Variants in SLC39A4 observed in about 807,000 individuals in gnomAD.
SLC39A4 encodes the protein solute carrier family 39 member 4.
SLC39A4 carries 49 observed loss-of-function variants against 56.6 expected under a neutral mutation model. The observed-to-expected ratio is 0.87, with a 90% CI of 0.69 to 1.10. SLC39A4 has a LOEUF of 1.10. Among genes scored for constraint, SLC39A4 ranks in the 50% least tolerant of loss-of-function variants. The pLI is 0.00. For synonymous variants in SLC39A4, 540 were observed against 420.4 expected, an observed-to-expected ratio of 1.28 and a Z score of -3.48; for missense variants, 993 against 864.2, an observed-to-expected ratio of 1.15 and a Z score of -1.87.
intron 6 of SLC39A4, 26 bp from the exon 7 acceptor site, chr8:144,414,121 G>C (rs561791700): frequency 9.1e-5 from 141 of 1,554,868 alleles, no homozygotes; most frequent in East Asian, 3.8e-4. Context: ...GCTGGGCTGG[G>C]GGGGAGGTCC....
In SLC39A4 at chr8:144,415,963, G is replaced by A. The variant is rs148918238; in HGVS notation, c.321C>T (p.Pro107=). 498 of 1,595,344 alleles carry A rather than the reference G, an allele frequency of 3.1e-4. 2 individuals are homozygous for A. The East Asian group carries it at 7.8e-3, about 25-fold the overall frequency. ...SAAAVLYLSN[P]EGTCEDARAG... ...CCCGAGCGTCCTCACAGGTGCCCTC[G>A]GGGTTGCTGAGGTACAGGACGGCGG... Residue 107 remains proline, a synonymous_variant, in exon 2 of 12, where the codon CCC becomes CCT. Transcript: ENST00000301305.
chr8:144,414,189 C>A, intron 6 of SLC39A4, 73 bp downstream of exon 6: 1 of 1,579,386 alleles, frequency 6.3e-7, no homozygotes, highest in South Asian at 1.2e-5. Context: ...TGGGTAAGGT[C>A]CCTGGGAGGG....
chr8:144,413,662 A>G (rs1822007789), intron 8 of SLC39A4, 88 bp downstream of exon 8: 1 of 1,542,166 alleles, frequency 6.5e-7, no homozygotes, highest in Non-Finnish European at 8.7e-7. Context: ...GCGGAGCCGC[A>G]GGCCTGGGGT....
rs781958924 is a variant in SLC39A4, at chr8:144,413,243, C to T, written c.1621G>A (p.Glu541Lys). 3.2e-6 allele frequency: 5 copies of T among 1,582,372 alleles called. No individual in the cohort carries two copies. Among genetic ancestry groups the T allele is most frequent in the South Asian group, 1.1e-5 (1 of 87,810 alleles). ...AGGCCCCGCCTGCGCTCACCCAGCTCGTGTGGCAACTCGTGGCAGAACACG... is the reference window on the plus strand; with the variant it reads ...AGGCCCCGCCTGCGCTCACCCAGCTTGTGTGGCAACTCGTGGCAGAACACG... ...LAVFCHELPH[E>K]LGDFAALLHA... Residue 541 changes from glutamate to lysine, a missense_variant, in exon 10 of 12, where the codon GAG becomes AAG. Coordinates refer to ENST00000301305, the MANE Select transcript of SLC39A4 (RefSeq NM_130849.4).
chr8:144,412,910 ACGGACAGCCC>A lies in SLC39A4; in HGVS notation c.1654_1663del (p.Gly552CysfsTer7). The A allele has an allele frequency of 6.2e-7, 1 of 1,608,480 alleles. No homozygotes were observed. Among genetic ancestry groups the A allele is most frequent in the Non-Finnish European group, 8.5e-7 (1 of 1,179,584 alleles). On this transcript the variant is annotated frameshift_variant, in exon 11 of 12. Transcript: ENST00000301305. LOFTEE classifies it high-confidence loss of function. Reference sequence around the variant, plus strand: ...CAGGTTCAGCAGCAGTGCTTGGCGCACGGACAGCCCCGCGTGCAGCAAGGCGGCGAAGTCC... The same window carrying A: ...CAGGTTCAGCAGCAGTGCTTGGCGCACGCGTGCAGCAAGGCGGCGAAGTCC...
rs1303124882 is a variant in SLC39A4 at position 144,412,905 on chromosome 8, GGC to G, written c.1667_1668del (p.Arg556ProfsTer88). 2 of 1,608,994 alleles carry G rather than the reference GGC, an allele frequency of 1.2e-6. No individual in the cohort carries two copies. Among genetic ancestry groups the G allele is most frequent in the Non-Finnish European group, 1.7e-6 (2 of 1,179,676 alleles). On this transcript the variant is annotated frameshift_variant, in exon 11 of 12. Coordinates refer to ENST00000301305, the MANE Select transcript of SLC39A4 (RefSeq NM_130849.4). LOFTEE classifies it high-confidence loss of function. The stretch of plus-strand genomic sequence containing the variant: ...GAGGCCAGGTTCAGCAGCAGTGCTT[GGC>G]GCACGGACAGCCCCGCGTGCAGCAA... Reference protein sequence around the residue: ...AALLHAGLSVRQALLLNLASA... With the variant: ...AALLHAGLSVXQALLLNLASA...
Position 144,415,046 on chromosome 8 carries a change from C to A in SLC39A4, c.732G>T (p.Arg244=). The A allele has an allele frequency of 6.2e-7, 1 of 1,611,438 alleles. No homozygotes were observed. The highest frequency in any genetic ancestry group is 2.2e-5 in the East Asian group (1 of 44,876). Residue 244 remains arginine, a synonymous_variant, in exon 4 of 12, where the codon CGG becomes CGT. Coordinates refer to ENST00000301305, the MANE Select transcript of SLC39A4 (RefSeq NM_130849.4). ...GGTCCCGGCTGCTGGCTCCCCTGTGCCGATGACTGTGGTCACTGTGGGCCT... is the reference window on the plus strand; with the variant it reads ...GGTCCCGGCTGCTGGCTCCCCTGTGACGATGACTGTGGTCACTGTGGGCCT... ...GREAHSDHSH[R]HRGASSRDPV...
In SLC39A4 at chr8:144,412,535, G is replaced by C; in HGVS notation, c.*3C>G. 1 of 1,614,202 alleles carries C rather than the reference G, an allele frequency of 6.2e-7. No individual in the cohort carries two copies. Among genetic ancestry groups the C allele is most frequent in the Non-Finnish European group, 8.5e-7 (1 of 1,180,026 alleles). ...GTCAAAGGTGGGGGACTAGGGCAGG[G>C]TATCAGAAGGTGATGTCATCCTCGT... On this transcript the variant is annotated 3_prime_UTR_variant, in exon 12 of 12. Transcript: ENST00000301305.
chr8:144,415,819 G>T lies in SLC39A4; in HGVS notation c.465C>A (p.Thr155=), dbSNP rs781789218. ...QRMQARAAGQ[T]PKMACVDIPQ... ...CTGGACTCTCCCTCACCATCTTGGG[G>T]GTCTGGCCGGCAGCCCGGGCCTGCA... Residue 155 remains threonine (T), a synonymous_variant, in exon 2 of 12, where the codon ACC becomes ACA. Coordinates refer to ENST00000301305, the MANE Select transcript of SLC39A4 (RefSeq NM_130849.4). 2 of 1,594,706 alleles carry T rather than the reference G, an allele frequency of 1.3e-6. No individual in the cohort carries two copies. The highest frequency in any genetic ancestry group is 1.7e-6 in the Non-Finnish European group (2 of 1,175,760).
At chr8:144,413,106 C>T in intron 10 of SLC39A4, 131 bp downstream of exon 10, 2 of 1,492,084 alleles carry the variant, frequency 1.3e-6, no homozygotes. Context: ...CCCGCCCCAC[C>T]TGTTTCCGGT....
rs781909019 is a variant in SLC39A4, at chr8:144,412,501, G to A, written c.*37C>T. 2 of 1,614,022 alleles carry A rather than the reference G, an allele frequency of 1.2e-6. No homozygotes were observed. The highest frequency in any genetic ancestry group is 1.1e-5 in the South Asian group (1 of 91,014). ...CTGGGCTGTAGGTTTGTGAGGTGTG[G>A]GATCTTAAGTCAAAGGTGGGGGACT... On this transcript the variant is annotated 3_prime_UTR_variant, in exon 12 of 12. Transcript: ENST00000301305.
chr8:144,415,382 A>G lies in SLC39A4; in HGVS notation c.512T>C (p.Val171Ala). Residue 171 changes from valine (V) to alanine (A), a missense_variant, in exon 3 of 12, where the codon GTG becomes GCG. Val to Ala is a moderately conservative substitution (Grantham distance 64). Transcript: ENST00000301305. Reference protein sequence around the residue: ...VDIPQLLEEAVGAGAPGSAGG... With the variant: ...VDIPQLLEEAAGAGAPGSAGG... ...AGCACTGCCCGGAGCCCCCGCCCCC[A>G]CCGCCTCCTCCAGCAGCTGAGGGAT... The G allele has an allele frequency of 6.2e-7, 1 of 1,607,588 alleles. No individual in the cohort carries two copies. Among genetic ancestry groups the G allele is most frequent in the Non-Finnish European group, 8.5e-7 (1 of 1,177,844 alleles).
chr8:144,414,719 A>G lies in SLC39A4; in HGVS notation c.976+6T>C. On this transcript the variant is annotated splice_donor_region_variant and intron_variant, in intron 5 of 11. Transcript: ENST00000301305. ...CTGCCAGCACAATGTCGGCGTGGGC[A>G]CTCACTCTCTGACTGGCTGAGCTGG... The G allele has an allele frequency of 6.2e-7, 1 of 1,612,254 alleles. No individual in the cohort carries two copies. Among genetic ancestry groups the G allele is most frequent in the Non-Finnish European group, 8.5e-7 (1 of 1,179,444 alleles).
At position 144,416,314 on chromosome 8, in the gene SLC39A4, A is replaced by C. The variant is rs915837765; in HGVS notation, c.193-223T>G. 1.3e-5 allele frequency: 19 copies of C among 1,509,006 alleles called. 1 individual carries two copies. The highest frequency in any genetic ancestry group is 1.6e-5 in the Non-Finnish European group (18 of 1,133,104). 93.5% of individuals were successfully genotyped at this position (1,509,006 alleles called of 1,614,324 possible). ...TCCCCAACAGTGGTCCCCCATCCCC[A>C]GGGGACTCCCCTGGAGCCACTGCCA... On this transcript the variant is annotated intron_variant, in intron 1 of 11. Coordinates refer to ENST00000301305, the MANE Select transcript of SLC39A4 (RefSeq NM_130849.4).
Position 144,413,328 on chromosome 8 carries a change from C to G in SLC39A4, c.1536G>C (p.Gly512=), listed in dbSNP as rs886062745. 1.2e-6 allele frequency: 2 copies of G among 1,605,402 alleles called. No individual in the cohort carries two copies. The highest frequency in any genetic ancestry group is 2.2e-5 in the South Asian group (2 of 90,580). The change falls in exon 10 of 12, where the codon GGG becomes GGC. Residue 512 remains glycine, a synonymous_variant. Transcript: ENST00000301305. The part of the protein sequence containing the change: ...LGDAVHNFAD[G]LAVGAAFASS... Reference sequence around the variant, plus strand: ...ACGCGAAGGCGGCGCCCACGGCCAGCCCGTCGGCGAAGTTGTGCACGGCGT... The same window carrying G: ...ACGCGAAGGCGGCGCCCACGGCCAGGCCGTCGGCGAAGTTGTGCACGGCGT...
chr8:144,415,476 C>G (rs1018628251), intron 2 of SLC39A4, 57 bp from the exon 3 acceptor site: 1 of 1,524,106 alleles, frequency 6.6e-7, no homozygotes, highest in East Asian at 2.4e-5. Context: ...CCATCCACCC[C>G]GCTGCCCCTG....
intron 4 of SLC39A4, 30 bp from the exon 5 acceptor site, chr8:144,414,926 C>G (rs1822102403): frequency 6.2e-7 from 1 of 1,612,954 alleles, no homozygotes; most frequent in Non-Finnish European, 8.5e-7. Flanking sequence ...GCTCAGGGGC[C>G]CAAGCAGACC....
chr8:144,416,253 C>A (rs782097936), intron 1 of SLC39A4, 162 bp from the exon 2 acceptor site: 1 of 1,564,008 alleles, frequency 6.4e-7, no homozygotes, highest in South Asian at 1.2e-5. Flanking sequence ...AGGCCCCTGT[C>A]CTGCTTCCCC....
chr8:144,416,315 G>A, intron 1 of SLC39A4: 1 of 1,508,542 alleles, frequency 6.6e-7, no homozygotes, highest in Non-Finnish European at 8.8e-7. Context: ...CCCATCCCCA[G>A]GGGACTCCCC....
Sources: allele counts gnomAD v4.1 joint callset, GRCh38; gene constraint gnomAD v4.1.1; transcripts MANE v1.5; gene names NCBI Gene and HGNC (gene_info 2026-07-23, HGNC 2026-07-21).